Variants in SASH1 observed in about 807,000 individuals in gnomAD.
The protein encoded by SASH1 is SAM and SH3 domain-containing protein 1.
A neutral mutation model predicts 125.2 loss-of-function variants in SASH1; 44 were observed. The ratio of observed to expected loss-of-function variants is 0.35; its 90% confidence interval spans 0.28 to 0.45. SASH1 has a LOEUF of 0.45. Among genes scored for constraint, SASH1 ranks in the 20% least tolerant of loss-of-function variants. The pLI is 1.00. For synonymous variants in SASH1, 639 were observed against 649.1 expected (o/e 0.98, Z 0.24); for missense variants, 1,426 against 1,614.5 (o/e 0.88, Z 2.00).
the SASH1 span, among the ~76,000 whole-genome samples, chr6:148,199,067 A>G: frequency 0.024 from 3,717 of 152,296 alleles, 60 homozygotes; most frequent in East Asian, 0.06. Flanking sequence ...CAAGAGGCTG[A>G]TATCAGTACG....
At chr6:148,501,066 C>T (rs12203168) in intron 8 of SASH1, among the ~76,000 whole-genome samples, 35,794 of 151,714 alleles carry the variant, frequency 0.24, 4,932 homozygotes, top group Middle Eastern at 0.36. Flanking sequence ...TAGGAGGTAA[C>T]ATTGGACCCT....
intron 1 of SASH1, among the ~76,000 whole-genome samples, chr6:148,303,595 G>C (rs1372994248): frequency 6.6e-6 from 1 of 151,456 alleles, no homozygotes; most frequent in Admixed American, 6.6e-5. Flanking sequence ...TCAGGAGTTC[G>C]AGACCAGCCT....
At chr6:148,260,548 A>G in the SASH1 span, among the ~76,000 whole-genome samples, 2 of 151,740 alleles carry the variant, frequency 1.3e-5, no homozygotes, top group Non-Finnish European at 2.9e-5. Context: ...TGAGACTGCA[A>G]TAAGCTATGA....
chr6:148,204,153 C>T, the SASH1 span, among the ~76,000 whole-genome samples: 3 of 152,210 alleles, frequency 2.0e-5, no homozygotes, highest in East Asian at 5.8e-4. Flanking sequence ...GGCCGCTCGG[C>T]AAGGCTCTGA....
intron 16 of SASH1, among the ~76,000 whole-genome samples, chr6:148,536,614 A>G (rs1220882167): frequency 6.6e-6 from 1 of 152,200 alleles, no homozygotes; most frequent in East Asian, 1.9e-4. Context: ...TGCTGGGATT[A>G]CAGGTGTGAG....
upstream of SASH1, among the ~76,000 whole-genome samples, chr6:148,270,112 G>A (rs1779027530): frequency 6.6e-6 from 1 of 152,214 alleles, no homozygotes; most frequent in South Asian, 2.1e-4. Flanking sequence ...TTTGGTTGCT[G>A]GGACAGCAAG....
the SASH1 span, among the ~76,000 whole-genome samples, chr6:148,253,857 C>T: frequency 4.6e-5 from 7 of 151,494 alleles, no homozygotes; most frequent in South Asian, 4.2e-4. Flanking sequence ...GGTGACAGAG[C>T]GAGACTCTGT....
intron 1 of SASH1, among the ~76,000 whole-genome samples, chr6:148,333,340 G>T (rs1781048535): frequency 6.6e-6 from 1 of 152,068 alleles, no homozygotes; most frequent in Non-Finnish European, 1.5e-5. Context: ...TTGAGCCCAG[G>T]TGTTCAAGCC....
At chr6:148,515,194 G>T (rs939653325) in intron 9 of SASH1, among the ~76,000 whole-genome samples, 7 of 152,102 alleles carry the variant, frequency 4.6e-5, no homozygotes, top group Admixed American at 3.9e-4. Flanking sequence ...GAAAGAATAA[G>T]ATAAGATTTT....
At chr6:148,252,349 CCT>C in the SASH1 span, among the ~76,000 whole-genome samples, 1 of 152,114 alleles carries the variant, frequency 6.6e-6, no homozygotes, top group South Asian at 2.1e-4. Context: ...AATTTTCTTC[CCT>C]GTTTGCCATT....
At chr6:148,264,264 C>A in the SASH1 span, among the ~76,000 whole-genome samples, 1 of 150,036 alleles carries the variant, frequency 6.7e-6, no homozygotes, top group Non-Finnish European at 1.5e-5. Context: ...ATATCTATAT[C>A]TCTGTCCCAG....
intron 1 of SASH1, among the ~76,000 whole-genome samples, chr6:148,280,068 TCATTCCCCCCC>T (rs1779296526): frequency 1.4e-5 from 1 of 70,988 alleles, no homozygotes; most frequent in Non-Finnish European, 2.6e-5. Flanking sequence ...TTCCCCCCCA[TCATTCCCCCCC>T]GACATAACAA....
intron 17 of SASH1, among the ~76,000 whole-genome samples, chr6:148,541,977 T>C (rs544317892): frequency 1.3e-5 from 2 of 152,356 alleles, no homozygotes; most frequent in East Asian, 1.9e-4. Flanking sequence ...AGAATCCTTA[T>C]GTAGCTCATG....
At chr6:148,420,125 A>G (rs552599128) in intron 2 of SASH1, among the ~76,000 whole-genome samples, 31 of 152,326 alleles carry the variant, frequency 2.0e-4, no homozygotes, top group Admixed American at 5.9e-4. Flanking sequence ...AGTTTGTTAT[A>G]TATGATTTTA....
At chr6:148,525,120 CT>C (rs1781059907) in intron 10 of SASH1, 170 bp from the exon 11 acceptor site, 2 of 598,922 alleles carry the variant, frequency 3.3e-6, no homozygotes, top group Admixed American at 2.9e-5. Context: ...GTGAAGTTTC[CT>C]TACGACATGA....
At chr6:148,345,903 C>A (rs968021282) in intron 1 of SASH1, among the ~76,000 whole-genome samples, 3 of 152,124 alleles carry the variant, frequency 2.0e-5, no homozygotes, top group Non-Finnish European at 2.9e-5. Flanking sequence ...AAATGTAGTT[C>A]AGTACATTTA....
At chr6:148,342,456 G>C (rs1301402648), upstream of SASH1, 1 of 152,232 alleles carries the variant, frequency 6.6e-6, no homozygotes, top group Non-Finnish European at 1.5e-5. Flanking sequence ...CCGCGGCGCG[G>C]CTGCTCTTTC....
In SASH1 at chr6:148,495,152, G is replaced by A. The variant is rs1382947290; in HGVS notation, c.729+7437G>A. On this transcript the variant is annotated intron_variant, in intron 8 of 19. Transcript: ENST00000367467. This position sits in a 1 kb window ranked among gnomAD's most constrained non-coding sequence, Gnocchi z 4.0. ...GCTAATAACAATTCTGGTATGTGCC[G>A]AAAGCCAGGGCACCGGCAGAAGTTC... 6.6e-6 allele frequency among the ~76,000 whole-genome samples: 1 copy of A among 152,178 alleles called. No individual in the cohort carries two copies. Among genetic ancestry groups the A allele is most frequent in the Non-Finnish European group, 1.5e-5 (1 of 68,022 alleles).
At chr6:148,396,649 C>G (rs539048894) in intron 2 of SASH1, among the ~76,000 whole-genome samples, 2 of 152,142 alleles carry the variant, frequency 1.3e-5, no homozygotes, top group South Asian at 4.2e-4. Flanking sequence ...ATTGTCAGAG[C>G]CTCTTTTGAC....
Sources: allele counts gnomAD v4.1 joint callset (sites outside exome capture counted in the v4.1 genomes callset), GRCh38; gene constraint gnomAD v4.1.1; non-coding constraint Gnocchi (gnomAD v3.1); transcripts MANE v1.5; gene names NCBI Gene and HGNC (gene_info 2026-07-23, HGNC 2026-07-21).